The following MALRD1 variants were observed in gnomAD, a reference collection of about 807,000 sequenced individuals.
MALRD1 encodes the protein MAM and LDL-receptor class A domain-containing protein 1.
In MALRD1, 247 loss-of-function variants were observed where a neutral mutation model predicts 242.1. The ratio of observed to expected loss-of-function variants is 1.02; its 90% confidence interval spans 0.92 to 1.13. The LOEUF is 1.13. Ranked by LOEUF, MALRD1 falls within the 50% of genes most tolerant of loss-of-function variation. The pLI, the probability that MALRD1 is intolerant of heterozygous loss-of-function variation, is 0.00. For synonymous variants in MALRD1, 995 were observed against 866.6 expected, an observed-to-expected ratio of 1.15 and a Z score of -2.60; for missense variants, 2,989 against 2,533.1, an observed-to-expected ratio of 1.18 and a Z score of -3.86.
At chr10:19,647,146 G>A (rs116903802) in intron 36 of MALRD1, among the ~76,000 whole-genome samples, 1,702 of 152,292 alleles carry the variant, frequency 0.011, 9 homozygotes, top group Non-Finnish European at 0.018. Flanking sequence ...GCTTGAAGCA[G>A]CTCCTTGCAA....
Position 19,176,366 on chromosome 10 carries a change from C to CTTTTTTTTTTTTTTTTTTTTTTT in MALRD1, c.1951+1057_1951+1058insTTTTTTTTTTTTTTTTTTTTTTT, listed in dbSNP as rs11443184. Among the ~76,000 whole-genome samples the CTTTTTTTTTTTTTTTTTTTTTTT allele has an allele frequency of 4.7e-4, 41 of 87,298 alleles. 4 individuals carry two copies. The highest frequency in any genetic ancestry group is 5.8e-4 in the Non-Finnish European group (25 of 43,400). 57.3% of individuals were successfully genotyped at this position (87,298 alleles called of 152,430 possible). On this transcript the variant is annotated intron_variant, in intron 14 of 39. Coordinates refer to ENST00000454679, the MANE Select transcript of MALRD1 (RefSeq NM_001142308.3). The stretch of plus-strand genomic sequence containing the variant: ...TCGAGAGAGTGTATATTTCTGGGTG[C>CTTTTTTTTTTTTTTTTTTTTTTT]TTTTTTTTTTTTTTTTTTTGAGACG...
intron 36 of MALRD1, among the ~76,000 whole-genome samples, chr10:19,655,922 A>G (rs1025680634): frequency 6.6e-6 from 1 of 152,140 alleles, no homozygotes; most frequent in African/African-American, 2.4e-5. Context: ...AGAGTGTCTC[A>G]GTTGGTACCT....
intron 2 of MALRD1, among the ~76,000 whole-genome samples, chr10:19,085,646 A>G (rs1248626135): frequency 1.3e-5 from 2 of 151,966 alleles, no homozygotes; most frequent in Non-Finnish European, 1.5e-5. Flanking sequence ...ACCAAATGAC[A>G]AAGTTTTTAT....
chr10:19,209,434 A>G lies in MALRD1; in HGVS notation c.2745A>G (p.Glu915=), dbSNP rs1378977390. ...GTAKGHYLYI[E]SSEPQAFQDS... ...CTAAAGGACACTATCTCTACATAGA[A>G]TCTTCAGAGCCACAGGCTTTTCAAG... The change falls in exon 18 of 40, where the codon GAA becomes GAG. Residue 915 remains glutamate, a synonymous_variant. Coordinates refer to ENST00000454679, the MANE Select transcript of MALRD1 (RefSeq NM_001142308.3). The G allele has an allele frequency of 4.5e-6, 7 of 1,550,868 alleles. No individual in the cohort carries two copies. Among genetic ancestry groups the G allele is most frequent in the Non-Finnish European group, 6.1e-6 (7 of 1,147,072 alleles).
intron 18 of MALRD1, among the ~76,000 whole-genome samples, chr10:19,254,195 A>G (rs1266159740): frequency 1.3e-5 from 2 of 152,060 alleles, no homozygotes; most frequent in East Asian, 1.9e-4. Flanking sequence ...CTAAAATGGC[A>G]TAAAAGGAGC....
chr10:19,476,885 C>T (rs1036916678), intron 29 of MALRD1, among the ~76,000 whole-genome samples: 5 of 152,010 alleles, frequency 3.3e-5, no homozygotes, highest in South Asian at 2.1e-4. Context: ...TTTCAACATA[C>T]GCTTCCAAAC....
intron 29 of MALRD1, among the ~76,000 whole-genome samples, chr10:19,483,090 A>T: frequency 6.6e-6 from 1 of 152,116 alleles, no homozygotes; most frequent in East Asian, 1.9e-4. Context: ...TGGTACAAAA[A>T]ATAGACACAT....
At chr10:19,294,739 A>G (rs2496057) in intron 21 of MALRD1, among the ~76,000 whole-genome samples, 63,216 of 151,950 alleles carry the variant, frequency 0.42, 13,315 homozygotes, top group South Asian at 0.61. Flanking sequence ...AATGGGTAAA[A>G]ACCATACACT....
intron 18 of MALRD1, among the ~76,000 whole-genome samples, chr10:19,220,197 T>C (rs1384139208): frequency 6.6e-6 from 1 of 152,148 alleles, no homozygotes; most frequent in African/African-American, 2.4e-5. Context: ...GGCTCTCTAC[T>C]ACTAGCATGA....
chr10:19,411,031 C>A (rs1432540237), intron 28 of MALRD1, among the ~76,000 whole-genome samples: 2 of 151,982 alleles, frequency 1.3e-5, no homozygotes, highest in Non-Finnish European at 2.9e-5. Context: ...TCACCAAATG[C>A]AGGATTATTA....
At chr10:19,727,983 C>T (rs897194933) in intron 38 of MALRD1, among the ~76,000 whole-genome samples, 1 of 152,090 alleles carries the variant, frequency 6.6e-6, no homozygotes, top group Non-Finnish European at 1.5e-5. Flanking sequence ...TAGAGTGACA[C>T]TAGCAATTTC....
chr10:19,454,713 TACACACACACACACACACAC>T (rs35489123), intron 29 of MALRD1, among the ~76,000 whole-genome samples: 1 of 132,330 alleles, frequency 7.6e-6, no homozygotes, highest in African/African-American at 2.6e-5. Flanking sequence ...CGTGCACACG[TACACACACACACACACACAC>T]ACACACACAC....
At chr10:19,238,652 G>T (rs193282861) in intron 18 of MALRD1, among the ~76,000 whole-genome samples, 1 of 117,416 alleles carries the variant, frequency 8.5e-6, no homozygotes, top group Non-Finnish European at 1.9e-5. Context: ...ATTAGAAATA[G>T]TGCTACAGTA....
chr10:19,171,844 A>G (rs1241539108), intron 13 of MALRD1, among the ~76,000 whole-genome samples: 1 of 144,864 alleles, frequency 6.9e-6, no homozygotes, highest in Admixed American at 7.0e-5. Context: ...ATACACATAT[A>G]TACACATACA....
chr10:19,481,898 C>G (rs1343751525), intron 29 of MALRD1, among the ~76,000 whole-genome samples: 2 of 152,018 alleles, frequency 1.3e-5, no homozygotes, highest in Non-Finnish European at 2.9e-5. Context: ...AATTATAGCA[C>G]TAAATATACT....
At chr10:19,266,091 T>G (rs1164313726) in intron 19 of MALRD1, among the ~76,000 whole-genome samples, 1 of 151,926 alleles carries the variant, frequency 6.6e-6, no homozygotes, top group Admixed American at 6.6e-5. Context: ...AGTTTTAGTA[T>G]ATCTGTGTCC....
At chr10:19,496,190 G>A (rs1382207425) in intron 30 of MALRD1, among the ~76,000 whole-genome samples, 2 of 152,084 alleles carry the variant, frequency 1.3e-5, no homozygotes, top group East Asian at 3.9e-4. Flanking sequence ...AAGATATTCA[G>A]GACCTGAACT....
At chr10:19,670,702 T>G (rs576231929) in intron 36 of MALRD1, among the ~76,000 whole-genome samples, 1 of 152,322 alleles carries the variant, frequency 6.6e-6, no homozygotes, top group South Asian at 2.1e-4. Context: ...TAGTTACTTA[T>G]ATCTTTGCAT....
At chr10:19,181,436 A>G (rs1342006254) in intron 14 of MALRD1, among the ~76,000 whole-genome samples, 6 of 152,228 alleles carry the variant, frequency 3.9e-5, no homozygotes, top group African/African-American at 1.2e-4. Flanking sequence ...AAATTATGCT[A>G]TGAAATAAGC....
Sources: gnomAD v4.1 joint callset for allele counts (sites outside exome capture counted in the v4.1 genomes callset) on GRCh38, gnomAD v4.1.1 for gene constraint, MANE v1.5 for transcripts, NCBI Gene and HGNC (gene_info 2026-07-23, HGNC 2026-07-21) for gene names.